The following VPS13B variants were observed in gnomAD, a reference collection of about 807,000 sequenced individuals.
VPS13B encodes vacuolar protein sorting 13 homolog B, also known as intermembrane lipid transfer protein VPS13B.
A neutral mutation model predicts 426.4 loss-of-function variants in VPS13B; 285 were observed. The ratio of observed to expected loss-of-function variants is 0.67; its 90% CI spans 0.61 to 0.74. The LOEUF (loss-of-function observed/expected upper bound fraction) is 0.74, where lower values mean the gene tolerates loss of function less well. VPS13B is among the 30% of genes least tolerant of loss of function. VPS13B has a pLI of 0.00. For synonymous variants in VPS13B, 1,676 were observed against 1,676.4 expected (o/e 1.00, Z 0.01); for missense variants, 4,537 against 4,782.6 (o/e 0.95, Z 1.51).
intron 23 of VPS13B, among the ~76,000 whole-genome samples, chr8:99,463,090 A>G (rs1818922241): frequency 6.6e-6 from 1 of 152,064 alleles, no homozygotes; most frequent in Non-Finnish European, 1.5e-5. Flanking sequence ...TTCAATACCA[A>G]TTTACCCTAA....
At chr8:99,521,055 TGCAAACA>T in intron 30 of VPS13B, 45 bp downstream of exon 30, 1 of 1,459,310 alleles carries the variant, frequency 6.9e-7, no homozygotes, top group African/African-American at 1.4e-5. Context: ...ATTTTCATCC[TGCAAACA>T]CATATAGTGG....
intron 36 of VPS13B, among the ~76,000 whole-genome samples, chr8:99,704,452 G>A: frequency 6.6e-6 from 1 of 152,176 alleles, no homozygotes; most frequent in East Asian, 1.9e-4. Context: ...AGAGATGCGA[G>A]TTAGCCTAAG....
intron 25 of VPS13B, among the ~76,000 whole-genome samples, chr8:99,486,112 G>A (rs962725149): frequency 7.2e-5 from 11 of 152,246 alleles, no homozygotes; most frequent in African/African-American, 2.4e-4. Context: ...TTGCCAGGGT[G>A]CTAGAGATTT....
chr8:99,852,858 A>G (rs1563509126), intron 55 of VPS13B, among the ~76,000 whole-genome samples: 1 of 152,106 alleles, frequency 6.6e-6, no homozygotes, highest in Non-Finnish European at 1.5e-5. Context: ...AGCTGCTAGT[A>G]ATGAAGAAAA....
intron 19 of VPS13B, among the ~76,000 whole-genome samples, chr8:99,378,953 C>T (rs147073487): frequency 9.2e-5 from 14 of 152,238 alleles, no homozygotes; most frequent in Non-Finnish European, 1.5e-4. Flanking sequence ...GGGCCGTGGA[C>T]CAGTTCCATT....
At chr8:99,505,708 CTG>C (rs954362731) in intron 27 of VPS13B, among the ~76,000 whole-genome samples, 2 of 152,068 alleles carry the variant, frequency 1.3e-5, no homozygotes, top group African/African-American at 2.4e-5. Context: ...GACACAGAGA[CTG>C]GAAGTCAGCA....
chr8:99,304,421 A>G (rs983140950), intron 19 of VPS13B, among the ~76,000 whole-genome samples: 9 of 151,020 alleles, frequency 6.0e-5, no homozygotes, highest in African/African-American at 2.2e-4. Flanking sequence ...TTTTTTTTTC[A>G]TGGAATAAGG....
chr8:99,752,592 C>A (rs966439412), intron 39 of VPS13B, among the ~76,000 whole-genome samples: 1 of 152,126 alleles, frequency 6.6e-6, no homozygotes, highest in Non-Finnish European at 1.5e-5. Flanking sequence ...TAGATCTAGC[C>A]TAAATATTTG....
At chr8:99,365,254 A>T (rs1812794962) in intron 19 of VPS13B, among the ~76,000 whole-genome samples, 1 of 144,114 alleles carries the variant, frequency 6.9e-6, no homozygotes, top group Non-Finnish European at 1.5e-5. Flanking sequence ...TATTTTCTTC[A>T]TTTCAATTTC....
chr8:99,103,167 A>G (rs767225668), intron 5 of VPS13B, 47 bp downstream of exon 5: 9 of 1,602,826 alleles, frequency 5.6e-6, no homozygotes, highest in South Asian at 1.1e-5. Flanking sequence ...AATTGAAACA[A>G]TTACCTTAAC....
At chr8:99,841,943 C>T (rs949941635) in intron 54 of VPS13B, among the ~76,000 whole-genome samples, 2 of 152,092 alleles carry the variant, frequency 1.3e-5, no homozygotes, top group Admixed American at 6.6e-5. Flanking sequence ...AGAAGAGAAC[C>T]CAGTCCACCA....
chr8:99,106,155 G>T (rs1411590042), intron 5 of VPS13B, among the ~76,000 whole-genome samples: 1 of 151,916 alleles, frequency 6.6e-6, no homozygotes, highest in African/African-American at 2.4e-5. Context: ...TAGCTGGCCG[G>T]GTGTGGTGGC....
rs374405721 is a variant in VPS13B, at chr8:99,394,870, C to T, written c.3082+3166C>T. Among the ~76,000 whole-genome samples, 4 of 152,130 alleles carry T rather than the reference C, an allele frequency of 2.6e-5. No homozygotes were observed. The East Asian group carries it at 5.8e-4, about 22-fold the overall frequency. On this transcript the variant is annotated intron_variant, in intron 21 of 61. Transcript: ENST00000357162. ...TTGCTAAGATAGTAATAAATGAAGA[C>T]ATGTGATAATGATGTAGATTTGGTA... is the stretch of plus-strand genomic sequence containing the variant.
At chr8:99,162,884 T>C (rs1014095285) in intron 15 of VPS13B, among the ~76,000 whole-genome samples, 2 of 152,170 alleles carry the variant, frequency 1.3e-5, no homozygotes, top group African/African-American at 4.8e-5. Context: ...CACCCACATC[T>C]TGCTGATTGG....
At chr8:99,451,255 A>G (rs1182019102) in intron 23 of VPS13B, among the ~76,000 whole-genome samples, 3 of 152,096 alleles carry the variant, frequency 2.0e-5, no homozygotes, top group African/African-American at 7.2e-5. Flanking sequence ...ACTTCCTTCA[A>G]CCATCTGTCC....
At chr8:99,121,700 T>C in intron 8 of VPS13B, 1 of 942,362 alleles carries the variant, frequency 1.1e-6, no homozygotes, top group Non-Finnish European at 1.4e-6. Flanking sequence ...CCCTATTGAA[T>C]CATTCAGTTG....
At chr8:99,078,512 G>A (rs1042953284) in intron 3 of VPS13B, among the ~76,000 whole-genome samples, 2 of 151,916 alleles carry the variant, frequency 1.3e-5, no homozygotes, top group African/African-American at 4.8e-5. Context: ...CTTGGGAGGA[G>A]GAAGACAGGC....
intron 52 of VPS13B, among the ~76,000 whole-genome samples, chr8:99,834,778 T>G (rs1464577418): frequency 6.6e-6 from 1 of 152,202 alleles, no homozygotes; most frequent in African/African-American, 2.4e-5. Context: ...GAGGCTGGGC[T>G]TGAACTCCTG....
intron 36 of VPS13B, among the ~76,000 whole-genome samples, chr8:99,704,924 A>G (rs1483470215): frequency 6.6e-6 from 1 of 152,160 alleles, no homozygotes; most frequent in African/African-American, 2.4e-5. Flanking sequence ...GTGATAATGA[A>G]AAGCAGAAGA....
Sources: allele counts gnomAD v4.1 joint callset (sites outside exome capture counted in the v4.1 genomes callset), GRCh38; gene constraint gnomAD v4.1.1; transcripts MANE v1.5; gene names NCBI Gene and HGNC (gene_info 2026-07-23, HGNC 2026-07-21).